The following DLC1 variants were observed in gnomAD, a reference collection of about 807,000 sequenced individuals.
The protein encoded by DLC1 is rho GTPase-activating protein 7.
DLC1 carries 54 observed loss-of-function variants against 140.3 expected under a neutral mutation model. The observed-to-expected ratio is 0.38, with a 90% CI of 0.31 to 0.48. The LOEUF (loss-of-function observed/expected upper bound fraction) is 0.48, where lower values mean the gene tolerates loss of function less well. Ranked by LOEUF, DLC1 falls within the 20% of genes least tolerant of loss-of-function variation. The probability of loss-of-function intolerance (pLI) is 0.96; values close to 1 mark genes in which losing one functional copy is unlikely to be tolerated. For missense variants in DLC1, 2,536 were observed against 1,907.0 expected (o/e 1.33, Z -6.14); for synonymous variants, 986 against 728.1 (o/e 1.35, Z -5.70).
At chr8:13,446,099 C>A (rs1043827421) in intron 2 of DLC1, among the ~76,000 whole-genome samples, 2 of 152,082 alleles carry the variant, frequency 1.3e-5, no homozygotes, top group South Asian at 2.1e-4. Flanking sequence ...AATTACGTTT[C>A]AGAAAAATCA....
At chr8:13,118,079 A>G (rs1003027822) in intron 5 of DLC1, among the ~76,000 whole-genome samples, 4 of 140,356 alleles carry the variant, frequency 2.8e-5, no homozygotes, top group African/African-American at 5.7e-5. Flanking sequence ...TTATGATCCT[A>G]GCTCACTGCA....
At chr8:13,527,522 G>T (rs180905719) in intron 1 of DLC1, among the ~76,000 whole-genome samples, 12 of 152,100 alleles carry the variant, frequency 7.9e-5, no homozygotes, top group African/African-American at 2.9e-4. Context: ...ATGTTCAAAG[G>T]GGATAACTGT....
rs572227769 is a variant in DLC1, at chr8:13,450,831, G to C, written c.1023+48218C>G. 1.3e-3 allele frequency among the ~76,000 whole-genome samples: 192 copies of C among 151,914 alleles called. 1 individual carries two copies. Among genetic ancestry groups the C allele is most frequent in the African/African-American group, 4.4e-3 (184 of 41,474 alleles). On this transcript the variant is annotated intron_variant, in intron 2 of 17. Coordinates refer to ENST00000276297, the MANE Select transcript of DLC1 (RefSeq NM_182643.3). The stretch of plus-strand genomic sequence containing the variant: ...CGAGGTGGGCGGATCAGGAGGTCAA[G>C]ATATTGAGACTATCCTGGCCAACAT...
rs143074326 is a variant in DLC1 at position 13,211,826 on chromosome 8, C to A, written c.1348+93443G>T. 4.4e-3 allele frequency among the ~76,000 whole-genome samples: 666 copies of A among 152,182 alleles called. 4 individuals carry two copies. Among genetic ancestry groups the A allele is most frequent in the African/African-American group, 0.015 (615 of 41,532 alleles). On this transcript the variant is annotated intron_variant, in intron 5 of 17. Transcript: ENST00000276297. Reference sequence around the variant, plus strand: ...CTGGAATTGAAAAGAAAACAAACCCCCAAATTGAGGAAGAGTAGAGGCTTT... The same window carrying A: ...CTGGAATTGAAAAGAAAACAAACCCACAAATTGAGGAAGAGTAGAGGCTTT...
chr8:13,250,943 T>C (rs1445001719), intron 5 of DLC1, among the ~76,000 whole-genome samples: 1 of 152,172 alleles, frequency 6.6e-6, no homozygotes, highest in Non-Finnish European at 1.5e-5. Flanking sequence ...GAAAATTCAG[T>C]GCATTGCTGT....
chr8:13,303,811 T>A (rs1162345357), intron 5 of DLC1, among the ~76,000 whole-genome samples: 7 of 151,998 alleles, frequency 4.6e-5, no homozygotes, highest in South Asian at 2.1e-4. Flanking sequence ...CAAAAAAAAA[T>A]ATTAAAAATA....
chr8:13,408,120 C>T (rs571783171), intron 2 of DLC1, among the ~76,000 whole-genome samples: 1 of 152,232 alleles, frequency 6.6e-6, no homozygotes, highest in African/African-American at 2.4e-5. Flanking sequence ...CACTGTGTTT[C>T]AATTTGAAAC....
At chr8:13,496,698 A>C (rs1801519719) in intron 2 of DLC1, among the ~76,000 whole-genome samples, 1 of 150,124 alleles carries the variant, frequency 6.7e-6, no homozygotes, top group African/African-American at 2.5e-5. Context: ...TTTAAAAGTT[A>C]GTGTGCTTGG....
chr8:13,156,024 C>T (rs1224813067), intron 5 of DLC1, among the ~76,000 whole-genome samples: 1 of 151,928 alleles, frequency 6.6e-6, no homozygotes, highest in Non-Finnish European at 1.5e-5. Flanking sequence ...CCTCATTTGC[C>T]AACTTAAAAA....
At chr8:13,340,637 T>G (rs1366317185) in intron 4 of DLC1, 2 of 152,240 alleles carry the variant, frequency 1.3e-5, no homozygotes, top group African/African-American at 4.8e-5. Flanking sequence ...CTAATTTCCT[T>G]TCCCCTAAAC....
intron 4 of DLC1, among the ~76,000 whole-genome samples, chr8:13,330,288 C>T (rs1833532499): frequency 6.6e-6 from 1 of 152,166 alleles, no homozygotes; most frequent in African/African-American, 2.4e-5. Context: ...CGATTTTTTG[C>T]CTTTGGCTGG....
At chr8:13,364,969 T>C (rs1448550177) in intron 4 of DLC1, among the ~76,000 whole-genome samples, 1 of 152,228 alleles carries the variant, frequency 6.6e-6, no homozygotes. Context: ...AAGGATTAAA[T>C]TCTTGGTATG....
rs909890013 is a variant in DLC1, at chr8:13,307,567, C to T, written c.1315-2265G>A. ...ACCCCTGATTGGGGGTTTTAAAATA[C>T]ATTCGCTCTTTTGTGAAAAGTGAAC... On this transcript the variant is annotated intron_variant, in intron 4 of 17. Transcript: ENST00000276297. 1.3e-4 allele frequency among the ~76,000 whole-genome samples: 20 copies of T among 152,268 alleles called. No individual in the cohort carries two copies. In the East Asian group the frequency reaches 3.3e-3, roughly 25 times the overall value.
At chr8:13,577,522 C>G (rs541793923) in intron 1 of DLC1, among the ~76,000 whole-genome samples, 47 of 152,258 alleles carry the variant, frequency 3.1e-4, no homozygotes, top group African/African-American at 9.4e-4. Flanking sequence ...TTGAGTATAA[C>G]TGTAATTTGA....
intron 1 of DLC1, among the ~76,000 whole-genome samples, chr8:13,579,315 TTATATATATATATATATATATATATATA>T (rs369773134): frequency 1.9e-4 from 2 of 10,670 alleles, no homozygotes; most frequent in African/African-American, 6.9e-4. Flanking sequence ...AGGTCTGACT[TTATATATATATATATATATATATATATA>T]TATATATATA....
intron 10 of DLC1, chr8:13,095,574 G>A (rs1177429375): frequency 4.6e-5 from 12 of 261,252 alleles, no homozygotes; most frequent in South Asian, 3.9e-4. Context: ...AGTTAGGAGC[G>A]TCCTTCCACC....
intron 1 of DLC1, among the ~76,000 whole-genome samples, chr8:13,588,164 C>A (rs1484631010): frequency 6.6e-6 from 1 of 151,630 alleles, no homozygotes; most frequent in African/African-American, 2.4e-5. Flanking sequence ...TTTGAAGGCC[C>A]GAAATTACAT....
chr8:13,255,794 C>T (rs555718567), intron 5 of DLC1, among the ~76,000 whole-genome samples: 111 of 152,332 alleles, frequency 7.3e-4, no homozygotes, highest in African/African-American at 2.1e-3. Flanking sequence ...TTACTATCCA[C>T]GCTCGTCTTT....
intron 5 of DLC1, among the ~76,000 whole-genome samples, chr8:13,196,095 TACACAC>T (rs59429334): frequency 0.017 from 2,546 of 147,120 alleles, 27 homozygotes; most frequent in South Asian, 0.037. Flanking sequence ...TCTGTATTGA[TACACAC>T]ACACACACAC....
Sources: gnomAD v4.1 joint callset for allele counts (sites outside exome capture counted in the v4.1 genomes callset) on GRCh38, gnomAD v4.1.1 for gene constraint, MANE v1.5 for transcripts, NCBI Gene and HGNC (gene_info 2026-07-23, HGNC 2026-07-21) for gene names.